The following TCF21 variants were observed in gnomAD, a reference collection of about 807,000 sequenced individuals.
TCF21 encodes transcription factor 21, also known as capsulin.
A neutral mutation model predicts 13.5 loss-of-function variants in TCF21; 3 were observed. That is an observed-to-expected ratio of 0.22 (90% confidence interval 0.10 to 0.57). The LOEUF is 0.57. TCF21 is among the 20% of genes least tolerant of loss of function. TCF21 has a pLI of 0.92. For synonymous variants in TCF21, 92 were observed against 101.7 expected, an observed-to-expected ratio of 0.90 and a Z score of 0.57; for missense variants, 181 against 238.4, an observed-to-expected ratio of 0.76 and a Z score of 1.59.
Position 133,891,843 on chromosome 6 carries a change from G to T in TCF21, c.*41G>T. 5 of 1,607,820 alleles carry T rather than the reference G, an allele frequency of 3.1e-6. No individual in the cohort carries two copies. The South Asian group carries it at 3.3e-5, about 11-fold the overall frequency. On this transcript the variant is annotated 3_prime_UTR_variant, in exon 2 of 2. Transcript: ENST00000367882. ...TCTGGGAAAGGCGCGCTCCCGGGGG[G>T]AGCGGGCCCCGGGAAGGCGACCCCT...
chr6:133,891,379 G>A (rs1775213250), intron 1 of TCF21, among the ~76,000 whole-genome samples: 1 of 152,214 alleles, frequency 6.6e-6, no homozygotes, highest in Admixed American at 6.5e-5. Context: ...CCTCCAGGCA[G>A]TGCCACAGCA....
At chr6:133,891,187 G>C (rs1025760247) in intron 1 of TCF21, among the ~76,000 whole-genome samples, 1 of 152,178 alleles carries the variant, frequency 6.6e-6, no homozygotes, top group Non-Finnish European at 1.5e-5. Flanking sequence ...CGGTGTTTGC[G>C]ATGGAAGAAA....
intron 1 of TCF21, among the ~76,000 whole-genome samples, chr6:133,891,028 G>A (rs1475071010): frequency 6.6e-6 from 1 of 152,146 alleles, no homozygotes; most frequent in Non-Finnish European, 1.5e-5. Flanking sequence ...AAACTTAAAT[G>A]AGCTTTATTA....
chr6:133,889,532 G>C lies in TCF21; in HGVS notation c.135G>C (p.Glu45Asp), dbSNP rs1290738084. The C allele has an allele frequency of 1.9e-6, 3 of 1,613,968 alleles. No individual in the cohort carries two copies. Among genetic ancestry groups the C allele is most frequent in the Non-Finnish European group, 2.5e-6 (3 of 1,179,976 alleles). The change falls in exon 1 of 2, where the codon GAG (glutamate) becomes GAC (aspartate). Residue 45 changes from glutamate (E) to aspartate (D), a missense_variant. Around this residue, in one of 3 missense-constraint regions of TCF21, gnomAD observed 91 missense variants for 98.5 expected, o/e 0.92. Coordinates refer to ENST00000367882, the MANE Select transcript of TCF21 (RefSeq NM_003206.4). This position sits in a 1 kb window ranked among gnomAD's most constrained non-coding sequence, Gnocchi z 5.1. ...NESTEESSNCENGSPQKGRGG... is the reference protein window; with the variant it reads ...NESTEESSNCDNGSPQKGRGG... Reference sequence around the variant, plus strand: ...GCACCGAGGAGAGCTCCAACTGCGAGAATGGGTCTCCCCAGAAGGGCCGCG... The same window carrying C: ...GCACCGAGGAGAGCTCCAACTGCGACAATGGGTCTCCCCAGAAGGGCCGCG...
At chr6:133,892,640 G>T (rs1775238303), downstream of TCF21, 1 of 152,238 alleles carries the variant, frequency 6.6e-6, no homozygotes, top group Non-Finnish European at 1.5e-5. Flanking sequence ...TTCCAGGTGT[G>T]AGCATAGCTG....
chr6:133,891,135 T>C (rs889323944), intron 1 of TCF21, among the ~76,000 whole-genome samples: 1 of 152,208 alleles, frequency 6.6e-6, no homozygotes, highest in Non-Finnish European at 1.5e-5. Flanking sequence ...CATTTTTTTT[T>C]CCTTAAGAGG....
In TCF21 at chr6:133,889,262, C is replaced by T. The variant is rs2114559416; in HGVS notation, c.-136C>T. 1 of 1,152,964 alleles carries T rather than the reference C, an allele frequency of 8.7e-7. No homozygotes were observed. The highest frequency in any genetic ancestry group is 1.3e-6 in the Non-Finnish European group (1 of 781,420). The allele number at this position is 1,152,964 out of a possible 1,614,324, so 71.4% of individuals were successfully genotyped here. On this transcript the variant is annotated 5_prime_UTR_variant, in exon 1 of 2. Coordinates refer to ENST00000367882, the MANE Select transcript of TCF21 (RefSeq NM_003206.4). The surrounding 1 kb of genome is among the most constrained non-coding windows in gnomAD (Gnocchi z 5.1). ...ACCCAACCAGACCCCAACTCCAGCTCCCAGCAGGAGGTGGCTGCGCCACAC... is the reference window on the plus strand; with the variant it reads ...ACCCAACCAGACCCCAACTCCAGCTTCCAGCAGGAGGTGGCTGCGCCACAC...
At chr6:133,895,389 G>A (rs1203213568), downstream of TCF21, 1 of 152,172 alleles carries the variant, frequency 6.6e-6, no homozygotes, top group African/African-American at 2.4e-5. Flanking sequence ...TATTTCAGAG[G>A]AGAATTTTTT....
chr6:133,894,047 G>A (rs1775264027), downstream of TCF21: 1 of 152,166 alleles, frequency 6.6e-6, no homozygotes, highest in Non-Finnish European at 1.5e-5. Context: ...AAATCCCTTG[G>A]TAAAGGAAAA....
chr6:133,893,052 G>C (rs1326465942), downstream of TCF21: 1 of 152,268 alleles, frequency 6.6e-6, no homozygotes, highest in East Asian at 1.9e-4. Context: ...GTGTTTACAA[G>C]ACGTCTTCGG....
At chr6:133,890,409 A>T (rs143690136) in intron 1 of TCF21, among the ~76,000 whole-genome samples, 1 of 152,206 alleles carries the variant, frequency 6.6e-6, no homozygotes, top group South Asian at 2.1e-4. Context: ...TGCTTCTCCT[A>T]TAAGTGGATT....
chr6:133,889,313 C>G lies in TCF21; in HGVS notation c.-85C>G, dbSNP rs1186759037. On this transcript the variant is annotated 5_prime_UTR_variant, in exon 1 of 2. Coordinates refer to ENST00000367882, the MANE Select transcript of TCF21 (RefSeq NM_003206.4). This position sits in a 1 kb window ranked among gnomAD's most constrained non-coding sequence, Gnocchi z 5.1. Reference sequence around the variant, plus strand: ...TCGGGAGGCCTCTTGGTTTCAGGGTCTCTCTGTCTCTCTCTCACCCTCTTC... The same window carrying G: ...TCGGGAGGCCTCTTGGTTTCAGGGTGTCTCTGTCTCTCTCTCACCCTCTTC... 5 of 1,557,074 alleles carry G rather than the reference C, an allele frequency of 3.2e-6. No homozygotes were observed. The African/African-American group carries it at 4.1e-5, about 13-fold the overall frequency.
In TCF21 at chr6:133,889,995, G is replaced by A; in HGVS notation, c.450+148G>A. ...CCACCGCGGGCCTAGAGCCTCCAGGGACCGGAGGCGGGCGGTCTAGACACG... is the reference window on the plus strand; with the variant it reads ...CCACCGCGGGCCTAGAGCCTCCAGGAACCGGAGGCGGGCGGTCTAGACACG... On this transcript the variant is annotated intron_variant, in intron 1 of 1. Coordinates refer to ENST00000367882, the MANE Select transcript of TCF21 (RefSeq NM_003206.4). The surrounding 1 kb of genome is among the most constrained non-coding windows in gnomAD (Gnocchi z 5.1). 1.2e-6 allele frequency: 1 copy of A among 864,590 alleles called. No homozygotes were observed. Among genetic ancestry groups the A allele is most frequent in the Non-Finnish European group, 1.8e-6 (1 of 542,342 alleles). The allele number at this position is 864,590 out of a possible 1,614,324, so 53.6% of individuals were successfully genotyped here.
chr6:133,890,798 T>C (rs1201144225), intron 1 of TCF21, among the ~76,000 whole-genome samples: 1 of 152,224 alleles, frequency 6.6e-6, no homozygotes, highest in African/African-American at 2.4e-5. Context: ...ACTAGAGCAG[T>C]AGTGAGAGGG....
downstream of TCF21, chr6:133,895,024 T>TCA (rs1176988808): frequency 6.6e-6 from 1 of 152,110 alleles, no homozygotes; most frequent in Non-Finnish European, 1.5e-5. Flanking sequence ...TCTCTCTCTC[T>TCA]CTCTCTCTCT....
In TCF21 at chr6:133,892,153, T is replaced by C. The variant is rs577902818; in HGVS notation, c.*351T>C. 1 of 170,188 alleles carries C rather than the reference T, an allele frequency of 5.9e-6. No individual in the cohort carries two copies. The highest frequency in any genetic ancestry group is 6.0e-5 in the Admixed American group (1 of 16,788). The allele number at this position is 170,188 out of a possible 1,614,324, so 10.5% of individuals were successfully genotyped here. On this transcript the variant is annotated 3_prime_UTR_variant, in exon 2 of 2. Coordinates refer to ENST00000367882, the MANE Select transcript of TCF21 (RefSeq NM_003206.4). ...TGTAAAATGTAGATCATAGGATAGC[T>C]GACTTTGACAGTCACATTTATAAAG...
At position 133,889,999 on chromosome 6, in the gene TCF21, G is replaced by T; in HGVS notation, c.450+152G>T. Reference sequence around the variant, plus strand: ...CGCGGGCCTAGAGCCTCCAGGGACCGGAGGCGGGCGGTCTAGACACGGCCC... The same window carrying T: ...CGCGGGCCTAGAGCCTCCAGGGACCTGAGGCGGGCGGTCTAGACACGGCCC... On this transcript the variant is annotated intron_variant, in intron 1 of 1. Coordinates refer to ENST00000367882, the MANE Select transcript of TCF21 (RefSeq NM_003206.4). This position sits in a 1 kb window ranked among gnomAD's most constrained non-coding sequence, Gnocchi z 5.1. 1 of 828,330 alleles carries T rather than the reference G, an allele frequency of 1.2e-6. No homozygotes were observed. Among genetic ancestry groups the T allele is most frequent in the South Asian group, 1.6e-5 (1 of 64,182 alleles). The allele number at this position is 828,330 out of a possible 1,614,324, so 51.3% of individuals were successfully genotyped here. A position where few individuals can be genotyped will look rare whatever the true frequency, so the allele number is the denominator to read the frequency against.
Position 133,889,173 on chromosome 6 carries a change from TC to T in TCF21, c.-223del. ...GGGAGTGGGGAAACAGAGAGCCGGT[TC>T]CTCTGCTGCAGAAGTCCTCGGGGTT... is the stretch of plus-strand genomic sequence containing the variant. On this transcript the variant is annotated 5_prime_UTR_variant, in exon 1 of 2. Coordinates refer to ENST00000367882, the MANE Select transcript of TCF21 (RefSeq NM_003206.4). The surrounding 1 kb of genome is among the most constrained non-coding windows in gnomAD (Gnocchi z 5.1). 1 of 593,604 alleles carries T rather than the reference TC, an allele frequency of 1.7e-6. No homozygotes were observed. Among genetic ancestry groups the T allele is most frequent in the Non-Finnish European group, 3.0e-6 (1 of 334,526 alleles). The allele number at this position is 593,604 out of a possible 1,614,324, so 36.8% of individuals were successfully genotyped here.
Position 133,892,143 on chromosome 6 carries a change from A to G in TCF21, c.*341A>G, listed in dbSNP as rs913991556. The G allele has an allele frequency of 5.6e-6, 1 of 179,570 alleles. No individual in the cohort carries two copies. The highest frequency in any genetic ancestry group is 5.7e-5 in the Admixed American group (1 of 17,684). The allele number at this position is 179,570 out of a possible 1,614,324, so 11.1% of individuals were successfully genotyped here. On this transcript the variant is annotated 3_prime_UTR_variant, in exon 2 of 2. Coordinates refer to ENST00000367882, the MANE Select transcript of TCF21 (RefSeq NM_003206.4). ...TACAATATGTTGTAAAATGTAGATC[A>G]TAGGATAGCTGACTTTGACAGTCAC... is the stretch of plus-strand genomic sequence containing the variant.
Sources: gnomAD v4.1 joint callset for allele counts (sites outside exome capture counted in the v4.1 genomes callset) on GRCh38, gnomAD v4.1.1 for gene constraint, gnomAD v4.1.1 regional missense constraint, Gnocchi (gnomAD v3.1) non-coding constraint, MANE v1.5 for transcripts, NCBI Gene and HGNC (gene_info 2026-07-23, HGNC 2026-07-21) for gene names.